The following PRKCZ variants were observed in gnomAD, a reference collection of about 807,000 sequenced individuals.
PRKCZ encodes the protein protein kinase C zeta.
In PRKCZ, 33 loss-of-function variants were observed where a neutral mutation model predicts 79.5. The observed-to-expected ratio is 0.41, with a 90% CI of 0.31 to 0.55. PRKCZ has a LOEUF of 0.55. Among genes scored for constraint, PRKCZ ranks in the 20% least tolerant of loss-of-function variants. PRKCZ has a pLI of 0.19. For synonymous variants in PRKCZ, 342 were observed against 320.9 expected (o/e 1.07, Z -0.70); for missense variants, 578 against 813.5 (o/e 0.71, Z 3.52).
At chr1:2,093,001 G>A (rs969869704) in intron 4 of PRKCZ, among the ~76,000 whole-genome samples, 2 of 152,364 alleles carry the variant, frequency 1.3e-5, no homozygotes, top group Admixed American at 6.5e-5. Context: ...TGTGGGGACC[G>A]GGTGCCACCT....
chr1:2,054,706 C>G (rs756174989), intron 1 of PRKCZ, among the ~76,000 whole-genome samples: 1 of 152,144 alleles, frequency 6.6e-6, no homozygotes, highest in Non-Finnish European at 1.5e-5. Flanking sequence ...CCGTCGAGGT[C>G]TGGGGGCAGG....
At position 2,165,011 on chromosome 1, in the gene PRKCZ, C is replaced by T. The variant is rs970179258; in HGVS notation, c.975-4507C>T. 9.2e-5 allele frequency among the ~76,000 whole-genome samples: 14 copies of T among 152,226 alleles called. No homozygotes were observed. Among genetic ancestry groups the T allele is most frequent in the South Asian group, 4.1e-4 (2 of 4,830 alleles). On this transcript the variant is annotated intron_variant, in intron 10 of 17. Transcript: ENST00000378567. This position sits in a 1 kb window ranked among gnomAD's most constrained non-coding sequence, Gnocchi z 4.1. ...GAGGACACCCGTGTTTGCCTTTGCACGTGAGCCCCATTGTCGCTGGGACAC... is the reference window on the plus strand; with the variant it reads ...GAGGACACCCGTGTTTGCCTTTGCATGTGAGCCCCATTGTCGCTGGGACAC...
intron 4 of PRKCZ, among the ~76,000 whole-genome samples, chr1:2,060,416 G>A (rs2102242850): frequency 6.6e-6 from 1 of 152,340 alleles, no homozygotes; most frequent in South Asian, 2.1e-4. Context: ...AAGAGGGTGA[G>A]TGGGCAGTTG....
intron 4 of PRKCZ, among the ~76,000 whole-genome samples, chr1:2,079,359 G>A (rs960159238): frequency 6.6e-6 from 1 of 152,234 alleles, no homozygotes; most frequent in Non-Finnish European, 1.5e-5. Flanking sequence ...TCTGGGTAAA[G>A]ATTAGCACTG....
rs917065600 is a variant in PRKCZ at position 2,079,345 on chromosome 1, T to C, written c.334+19754T>C. 3.9e-5 allele frequency among the ~76,000 whole-genome samples: 6 copies of C among 152,376 alleles called. No homozygotes were observed. The South Asian group carries it at 1.0e-3, about 26-fold the overall frequency. The stretch of plus-strand genomic sequence containing the variant: ...TTCCTTGTGGGCACCATTGTTTTCT[T>C]TGTTCTGGGTAAAGATTAGCACTGA... On this transcript the variant is annotated intron_variant, in intron 4 of 17. Transcript: ENST00000378567.
At chr1:2,105,297 A>G (rs565545565) in intron 4 of PRKCZ, among the ~76,000 whole-genome samples, 1 of 152,008 alleles carries the variant, frequency 6.6e-6, no homozygotes, top group African/African-American at 2.4e-5. Flanking sequence ...TGTAGACGCA[A>G]CTCTTGAAAG....
Position 2,064,781 on chromosome 1 carries a change from C to G in PRKCZ, c.334+5190C>G, listed in dbSNP as rs78369369. ...GTAGCTTTGTAGGAAGTTTTGAAAT[C>G]AGGAAGTGTGAGCCCTCCAGCTTTG... On this transcript the variant is annotated intron_variant, in intron 4 of 17. Transcript: ENST00000378567. Among the ~76,000 whole-genome samples, 467 of 152,310 alleles carry G rather than the reference C, an allele frequency of 3.1e-3. 22 individuals carry two copies. In the East Asian group the frequency reaches 0.076, roughly 25 times the overall value.
chr1:2,166,936 G>A (rs1039873170), intron 10 of PRKCZ, among the ~76,000 whole-genome samples: 9 of 152,340 alleles, frequency 5.9e-5, no homozygotes, highest in African/African-American at 2.2e-4. Flanking sequence ...CACCACCAGC[G>A]TGAGGAGAGG....
intron 4 of PRKCZ, among the ~76,000 whole-genome samples, chr1:2,099,005 G>A (rs1049755003): frequency 2.0e-5 from 3 of 152,050 alleles, no homozygotes; most frequent in Admixed American, 1.3e-4. Context: ...TTACTGCTCT[G>A]GGCCTGATCG....
At chr1:2,079,811 G>A (rs867623585) in intron 4 of PRKCZ, among the ~76,000 whole-genome samples, 53 of 152,122 alleles carry the variant, frequency 3.5e-4, no homozygotes, top group African/African-American at 1.1e-3. Flanking sequence ...CTGGTGACCC[G>A]CATTTGTCTG....
In PRKCZ at chr1:2,082,594, C is replaced by T. The variant is rs1438525043; in HGVS notation, c.334+23003C>T. 2.7e-6 allele frequency: 1 copy of T among 371,322 alleles called. No individual in the cohort carries two copies. The highest frequency in any genetic ancestry group is 3.5e-5 in the Admixed American group (1 of 28,922). The allele number at this position is 371,322 out of a possible 1,614,324, so 23.0% of individuals were successfully genotyped here. A position where few individuals can be genotyped will look rare whatever the true frequency, so the allele number is the denominator to read the frequency against. On this transcript the variant is annotated intron_variant, in intron 4 of 17. Transcript: ENST00000378567. This position sits in a 1 kb window ranked among gnomAD's most constrained non-coding sequence, Gnocchi z 4.4. ...AGTCGATTTCCCTGGTGTAAATGCT[C>T]CCACCACGGCCGATTTCAGGCTGCC...
rs895499637 is a variant in PRKCZ at position 2,174,388 on chromosome 1, C to G, written c.1406-366C>G. Among the ~76,000 whole-genome samples, 1 of 152,228 alleles carries G rather than the reference C, an allele frequency of 6.6e-6. No homozygotes were observed. The highest frequency in any genetic ancestry group is 2.4e-5 in the African/African-American group (1 of 41,454). On this transcript the variant is annotated intron_variant, in intron 14 of 17. Transcript: ENST00000378567. The surrounding 1 kb of genome is among the most constrained non-coding windows in gnomAD (Gnocchi z 6.2). ...TGGGCTCCTTCCCACCTGGAGGCCC[C>G]GGGACCTGCTCCTGGTCTGGAATTC... is the stretch of plus-strand genomic sequence containing the variant.
chr1:2,175,392 CCCCAAT>C, intron 16 of PRKCZ, 79 bp downstream of exon 16: 1 of 1,126,340 alleles, frequency 8.9e-7, no homozygotes. Flanking sequence ...CCAACCCCAA[CCCCAAT>C]ATTCACCCAA....
In PRKCZ at chr1:2,183,275, A is replaced by G. The variant is rs149321820; in HGVS notation, c.1576-1308A>G. 2.8e-3 allele frequency among the ~76,000 whole-genome samples: 419 copies of G among 152,126 alleles called. 3 individuals are homozygous for G. Among genetic ancestry groups the G allele is most frequent in the African/African-American group, 9.6e-3 (398 of 41,454 alleles). On this transcript the variant is annotated intron_variant, in intron 16 of 17. Transcript: ENST00000378567. ...GCTGGGCATGGTGGTGCATGCCTGT[A>G]GTCCCGGCTACTCAGGAGACTGAGG...
chr1:2,149,107 G>A lies in PRKCZ; in HGVS notation c.687+183G>A, dbSNP rs1239223750. Among the ~76,000 whole-genome samples, 1 of 152,210 alleles carries A rather than the reference G, an allele frequency of 6.6e-6. No individual in the cohort carries two copies. Among genetic ancestry groups the A allele is most frequent in the Admixed American group, 6.5e-5 (1 of 15,288 alleles). On this transcript the variant is annotated intron_variant, in intron 8 of 17. Transcript: ENST00000378567. The surrounding 1 kb of genome is among the most constrained non-coding windows in gnomAD (Gnocchi z 4.1). ...TATTCTTGGGTCTTACTTCAGGCAT[G>A]TCCTTGATGAATACCTGCAGGCAGC...
intron 4 of PRKCZ, among the ~76,000 whole-genome samples, chr1:2,063,528 G>C (rs1478282679): frequency 6.6e-6 from 1 of 152,128 alleles, no homozygotes; most frequent in East Asian, 1.9e-4. Flanking sequence ...GCCCAGACTG[G>C]TCTTGAACTC....
intron 4 of PRKCZ, among the ~76,000 whole-genome samples, chr1:2,090,489 C>T (rs1665301065): frequency 1.3e-5 from 2 of 152,190 alleles, no homozygotes; most frequent in African/African-American, 2.4e-5. Flanking sequence ...GGGGATGCCC[C>T]CCAGCCCCCT....
At chr1:2,105,867 G>A in intron 4 of PRKCZ, among the ~76,000 whole-genome samples, 1 of 152,216 alleles carries the variant, frequency 6.6e-6, no homozygotes. Context: ...CGTCGGATGA[G>A]AATTATTCTC....
intron 4 of PRKCZ, among the ~76,000 whole-genome samples, chr1:2,093,266 G>A (rs1344510580): frequency 2.0e-5 from 3 of 152,252 alleles, no homozygotes; most frequent in African/African-American, 2.4e-5. Context: ...GTGTGGGCCC[G>A]CTGGCCTCGC....
Sources: allele counts gnomAD v4.1 joint callset (sites outside exome capture counted in the v4.1 genomes callset), GRCh38; gene constraint gnomAD v4.1.1; non-coding constraint Gnocchi (gnomAD v3.1); transcripts MANE v1.5; gene names NCBI Gene and HGNC (gene_info 2026-07-23, HGNC 2026-07-21).